The following TINAG variants were observed in gnomAD, a reference collection of about 807,000 sequenced individuals.
The protein encoded by TINAG is tubulointerstitial nephritis antigen.
In TINAG, 83 loss-of-function variants were observed where a neutral mutation model predicts 72.7. The ratio of observed to expected loss-of-function variants is 1.14; its 90% CI spans 0.96 to 1.37. TINAG has a LOEUF of 1.37. Ranked by LOEUF, TINAG falls within the 40% of genes most tolerant of loss-of-function variation. The pLI is 0.00. For missense variants in TINAG, 685 were observed against 576.6 expected, an observed-to-expected ratio of 1.19 and a Z score of -1.93; for synonymous variants, 234 against 189.9, an observed-to-expected ratio of 1.23 and a Z score of -1.91.
chr6:54,343,644 A>T (rs1785054363), intron 5 of TINAG, among the ~76,000 whole-genome samples: 1 of 151,930 alleles, frequency 6.6e-6, no homozygotes, highest in Non-Finnish European at 1.5e-5. Flanking sequence ...CCAAATAATA[A>T]AAAAGGATTA....
At chr6:54,378,331 G>C (rs1005716718) in intron 9 of TINAG, among the ~76,000 whole-genome samples, 1 of 152,018 alleles carries the variant, frequency 6.6e-6, no homozygotes, top group Non-Finnish European at 1.5e-5. Context: ...TGGATAATTG[G>C]TTTGGCTGCC....
chr6:54,338,580 C>T (rs560358333), intron 4 of TINAG, among the ~76,000 whole-genome samples: 9 of 151,796 alleles, frequency 5.9e-5, no homozygotes, highest in East Asian at 5.8e-4. Context: ...AAAAATTAGC[C>T]GGGTGTGGTG....
Position 54,350,410 on chromosome 6 carries a change from C to T in TINAG, c.1080+514C>T, listed in dbSNP as rs114096547. 1.8e-3 allele frequency among the ~76,000 whole-genome samples: 279 copies of T among 152,036 alleles called. 1 individual carries two copies. Among genetic ancestry groups the T allele is most frequent in the African/African-American group, 6.5e-3 (270 of 41,514 alleles). On this transcript the variant is annotated intron_variant, in intron 7 of 10. Coordinates refer to ENST00000259782, the MANE Select transcript of TINAG (RefSeq NM_014464.4). ...TTCAGAATTTGTGAACCTCCAGTGTCTTCTAATTATCTCCAGAATACAATT... is the reference window on the plus strand; with the variant it reads ...TTCAGAATTTGTGAACCTCCAGTGTTTTCTAATTATCTCCAGAATACAATT...
intron 10 of TINAG, among the ~76,000 whole-genome samples, chr6:54,382,467 A>ATT (rs1279979483): frequency 6.6e-6 from 1 of 152,108 alleles, no homozygotes; most frequent in Non-Finnish European, 1.5e-5. Context: ...AATTAAAATA[A>ATT]TTTTATTTTT....
At chr6:54,348,156 C>A (rs1785170495) in intron 6 of TINAG, among the ~76,000 whole-genome samples, 1 of 152,084 alleles carries the variant, frequency 6.6e-6, no homozygotes, top group Non-Finnish European at 1.5e-5. Context: ...CTCACTTGCT[C>A]TTCATCATCC....
At chr6:54,326,082 A>G (rs575497430) in intron 3 of TINAG, among the ~76,000 whole-genome samples, 1 of 152,202 alleles carries the variant, frequency 6.6e-6, no homozygotes, top group Non-Finnish European at 1.5e-5. Flanking sequence ...CTAATTTTTT[A>G]TCCACTATCA....
intron 5 of TINAG, among the ~76,000 whole-genome samples, chr6:54,346,070 G>C (rs1785114437): frequency 6.6e-6 from 1 of 151,918 alleles, no homozygotes; most frequent in Non-Finnish European, 1.5e-5. Context: ...TATTCAACAA[G>C]ACTGTTCCAG....
intron 9 of TINAG, among the ~76,000 whole-genome samples, chr6:54,377,175 T>A (rs1159218593): frequency 6.6e-6 from 1 of 152,072 alleles, no homozygotes; most frequent in Non-Finnish European, 1.5e-5. Context: ...AGTATTAAGA[T>A]CTCTCAAGCT....
chr6:54,315,242 A>G (rs896991667), intron 1 of TINAG, among the ~76,000 whole-genome samples: 2 of 152,154 alleles, frequency 1.3e-5, no homozygotes, highest in African/African-American at 4.8e-5. Flanking sequence ...AAGGATTTAA[A>G]ACTATGTACA....
At chr6:54,315,048 G>C (rs1784340977) in intron 1 of TINAG, among the ~76,000 whole-genome samples, 1 of 151,986 alleles carries the variant, frequency 6.6e-6, no homozygotes, top group African/African-American at 2.4e-5. Flanking sequence ...GAAAAAATGT[G>C]CAAAATTAGT....
intron 9 of TINAG, among the ~76,000 whole-genome samples, chr6:54,367,912 C>T (rs1287229508): frequency 6.6e-6 from 1 of 151,642 alleles, no homozygotes; most frequent in Non-Finnish European, 1.5e-5. Context: ...CTTGCTGTGT[C>T]CTCACACAGG....
intron 10 of TINAG, among the ~76,000 whole-genome samples, chr6:54,381,873 A>G (rs1413057293): frequency 6.6e-6 from 1 of 152,082 alleles, no homozygotes; most frequent in Non-Finnish European, 1.5e-5. Context: ...AGTTCTTAGC[A>G]TATAGCACTT....
At chr6:54,385,842 C>A in intron 10 of TINAG, among the ~76,000 whole-genome samples, 1 of 138,062 alleles carries the variant, frequency 7.2e-6, no homozygotes, top group African/African-American at 2.7e-5. Flanking sequence ...CAATATAGTT[C>A]ATCAAATTAT....
rs1399634019 is a variant in TINAG, at chr6:54,308,540, A to G, written c.-11A>G. The G allele has an allele frequency of 6.3e-7, 1 of 1,597,922 alleles. No homozygotes were observed. The highest frequency in any genetic ancestry group is 8.5e-7 in the Non-Finnish European group (1 of 1,171,714). On this transcript the variant is annotated 5_prime_UTR_variant, in exon 1 of 11. Coordinates refer to ENST00000259782, the MANE Select transcript of TINAG (RefSeq NM_014464.4). ...TAACGGAAAGTGGAAGCTATACCTGACTTCCAGAGAATGTGGACCGGATAT... is the reference window on the plus strand; with the variant it reads ...TAACGGAAAGTGGAAGCTATACCTGGCTTCCAGAGAATGTGGACCGGATAT...
chr6:54,372,481 G>A (rs926460530), intron 9 of TINAG, among the ~76,000 whole-genome samples: 7 of 151,918 alleles, frequency 4.6e-5, no homozygotes, highest in Admixed American at 3.3e-4. Flanking sequence ...TTCACATAGT[G>A]ATTTAGAAAG....
intron 4 of TINAG, among the ~76,000 whole-genome samples, chr6:54,337,154 T>G (rs967645473): frequency 5.9e-5 from 9 of 152,006 alleles, no homozygotes; most frequent in African/African-American, 2.2e-4. Context: ...GAAATATATT[T>G]CAATGACAGC....
At chr6:54,363,678 A>G (rs1763315419) in intron 9 of TINAG, among the ~76,000 whole-genome samples, 1 of 151,376 alleles carries the variant, frequency 6.6e-6, no homozygotes, top group Non-Finnish European at 1.5e-5. Context: ...AAAGTTGAGC[A>G]TGGGTAGGGC....
intron 1 of TINAG, among the ~76,000 whole-genome samples, chr6:54,319,077 C>A (rs1186791027): frequency 6.6e-6 from 1 of 151,950 alleles, no homozygotes; most frequent in Non-Finnish European, 1.5e-5. Flanking sequence ...GTATTAAGGT[C>A]TTTTTCCTTA....
rs776117214 is a variant in TINAG at position 54,308,849 on chromosome 6, C to G, written c.299C>G (p.Ser100Cys). 4 of 1,613,652 alleles carry G rather than the reference C, an allele frequency of 2.5e-6. No homozygotes were observed. Among genetic ancestry groups the G allele is most frequent in the South Asian group, 2.2e-5 (2 of 91,074 alleles). Residue 100 changes from serine (S) to cysteine (C), a missense_variant, in exon 1 of 11, where the codon TCC becomes TGC. Physicochemically the swap from Ser to Cys is moderately radical, Grantham distance 112. Transcript: ENST00000259782. ...TCTGATTGCTGTCCTGACTACAAGT[C>G]CTTTTGCCGTGAAGAGAAAGAATGG... ...ENSDCCPDYK[S>C]FCREEKEWPP...
Sources: allele counts gnomAD v4.1 joint callset (sites outside exome capture counted in the v4.1 genomes callset), GRCh38; gene constraint gnomAD v4.1.1; transcripts MANE v1.5; gene names NCBI Gene and HGNC (gene_info 2026-07-23, HGNC 2026-07-21).